The following ZSCAN25 variants were observed in gnomAD, a reference collection of about 807,000 sequenced individuals.
The protein encoded by ZSCAN25 is zinc finger and SCAN domain-containing protein 25.
Under a neutral mutation model 38.7 loss-of-function variants are expected in ZSCAN25, and 27 were observed. That is an observed-to-expected ratio of 0.70 (90% CI 0.51 to 0.96). ZSCAN25 has a LOEUF of 0.96. Among genes scored for constraint, ZSCAN25 ranks in the 40% least tolerant of loss-of-function variants. ZSCAN25 has a pLI of 0.00. For missense variants in ZSCAN25, 637 were observed against 705.9 expected (o/e 0.90, Z 1.11); for synonymous variants, 273 against 277.7 (o/e 0.98, Z 0.17).
At chr7:99,682,671 T>G in the ZSCAN25 span, among the ~76,000 whole-genome samples, 2 of 152,018 alleles carry the variant, frequency 1.3e-5, no homozygotes, top group African/African-American at 4.8e-5. Context: ...AAGAATGCCA[T>G]TGGTATTTTG....
At chr7:99,627,470 C>T (rs570929448) in intron 7 of ZSCAN25, among the ~76,000 whole-genome samples, 11 of 152,232 alleles carry the variant, frequency 7.2e-5, no homozygotes, top group African/African-American at 2.4e-4. Context: ...CACACACATA[C>T]ATATACTCAG....
At chr7:99,621,783 G>GA (rs2151263853) in intron 5 of ZSCAN25, 1 of 400,272 alleles carries the variant, frequency 2.5e-6, no homozygotes, top group East Asian at 3.7e-5. Context: ...GGATATCTGG[G>GA]ATCATGCTTT....
At chr7:99,728,489 A>G in the ZSCAN25 span, among the ~76,000 whole-genome samples, 12 of 152,162 alleles carry the variant, frequency 7.9e-5, no homozygotes, top group East Asian at 2.3e-3. Flanking sequence ...CTAAATCCCT[A>G]AGAGTCTGGG....
the ZSCAN25 span, among the ~76,000 whole-genome samples, chr7:99,698,535 G>T: frequency 3.3e-5 from 5 of 152,008 alleles, no homozygotes; most frequent in African/African-American, 7.2e-5. Flanking sequence ...TGCTAAGCAG[G>T]TATATTCAAA....
chr7:99,714,757 T>C, the ZSCAN25 span: 2 of 1,579,326 alleles, frequency 1.3e-6, no homozygotes, highest in Non-Finnish European at 1.7e-6. Flanking sequence ...ATTCTAATTT[T>C]CTCTACCAAT....
chr7:99,710,679 A>G, the ZSCAN25 span: 1 of 1,613,194 alleles, frequency 6.2e-7, no homozygotes, highest in Non-Finnish European at 8.5e-7. Context: ...GTGAGGAAGC[A>G]TCTTTGCTAA....
the ZSCAN25 span, among the ~76,000 whole-genome samples, chr7:99,729,537 G>A: frequency 6.6e-6 from 1 of 152,150 alleles, no homozygotes; most frequent in East Asian, 1.9e-4. Context: ...GCCTGCACGT[G>A]TACATCCAGA....
chr7:99,700,625 A>T, the ZSCAN25 span, among the ~76,000 whole-genome samples: 1 of 151,928 alleles, frequency 6.6e-6, no homozygotes, highest in Non-Finnish European at 1.5e-5. Flanking sequence ...CTATTGTCCT[A>T]TTTCCTCTCT....
the ZSCAN25 span, chr7:99,720,261 TAAA>T: frequency 6.2e-7 from 1 of 1,602,504 alleles, no homozygotes; most frequent in Non-Finnish European, 8.5e-7. Context: ...AATTTTAAAA[TAAA>T]AATTTAATCA....
the ZSCAN25 span, among the ~76,000 whole-genome samples, chr7:99,716,709 G>A: frequency 6.6e-6 from 1 of 151,844 alleles, no homozygotes; most frequent in Non-Finnish European, 1.5e-5. Context: ...AGAAATGGTG[G>A]GAATGTTTAA....
intron 6 of ZSCAN25, 50 bp downstream of exon 6, chr7:99,622,690 G>A (rs1367502831): frequency 6.4e-7 from 1 of 1,558,440 alleles, no homozygotes; most frequent in Non-Finnish European, 8.8e-7. Flanking sequence ...TTTGATTGAG[G>A]TTCACCTTCC....
In ZSCAN25 at chr7:99,632,199, G is replaced by T; in HGVS notation, c.*2179G>T. On this transcript the variant is annotated 3_prime_UTR_variant, in exon 8 of 8. Transcript: ENST00000394152. ...CCTGTGGGGCCAAGAGCTTAGGACA[G>T]TGTCTCAGAAAAGCCTCTAAGTAGG... is the stretch of plus-strand genomic sequence containing the variant. 1 of 985,432 alleles carries T rather than the reference G, an allele frequency of 1.0e-6. No homozygotes were observed. The highest frequency in any genetic ancestry group is 1.2e-6 in the Non-Finnish European group (1 of 829,928). The allele number at this position is 985,432 out of a possible 1,614,324, so 61.0% of individuals were successfully genotyped here.
the ZSCAN25 span, among the ~76,000 whole-genome samples, chr7:99,645,955 T>C: frequency 6.6e-6 from 1 of 151,914 alleles, no homozygotes; most frequent in East Asian, 1.9e-4. Context: ...GTCTCTATTC[T>C]GTTCCATTGG....
chr7:99,684,897 A>C, the ZSCAN25 span: 1 of 319,202 alleles, frequency 3.1e-6, no homozygotes, highest in Non-Finnish European at 5.8e-6. Context: ...GTCCTGTGAG[A>C]AACAAAGAAG....
chr7:99,654,922 G>C, the ZSCAN25 span, among the ~76,000 whole-genome samples: 3 of 152,134 alleles, frequency 2.0e-5, no homozygotes, highest in African/African-American at 7.2e-5. Context: ...CTTGTTGATG[G>C]GGTTGTGTTT....
At chr7:99,680,240 T>C in the ZSCAN25 span, among the ~76,000 whole-genome samples, 3 of 152,286 alleles carry the variant, frequency 2.0e-5, no homozygotes, top group East Asian at 5.8e-4. Flanking sequence ...TGCCCCTCCA[T>C]GGCTGCCTTC....
At chr7:99,671,908 C>G in the ZSCAN25 span, 2 of 699,780 alleles carry the variant, frequency 2.9e-6, no homozygotes, top group Non-Finnish European at 5.2e-6. Context: ...CTTAGAACTA[C>G]CCACACACAT....
chr7:99,728,047 C>T, the ZSCAN25 span, among the ~76,000 whole-genome samples: 1 of 152,206 alleles, frequency 6.6e-6, no homozygotes, highest in Non-Finnish European at 1.5e-5. Context: ...AACCAGTATT[C>T]CTACTTCTGT....
At chr7:99,717,685 G>A in the ZSCAN25 span, 2 of 1,604,228 alleles carry the variant, frequency 1.2e-6, no homozygotes, top group Admixed American at 3.4e-5. Flanking sequence ...AGTTGTGGAG[G>A]TCTCCATGGT....
Sources: allele counts gnomAD v4.1 joint callset (sites outside exome capture counted in the v4.1 genomes callset), GRCh38; gene constraint gnomAD v4.1.1; transcripts MANE v1.5; gene names NCBI Gene and HGNC (gene_info 2026-07-23, HGNC 2026-07-21).